CHRM3: variants seen among roughly 807,000 people sequenced by gnomAD.
CHRM3 encodes muscarinic acetylcholine receptor M3.
A neutral mutation model predicts 41.8 loss-of-function variants in CHRM3; 11 were observed. The ratio of observed to expected loss-of-function variants is 0.26; its 90% CI spans 0.17 to 0.44. CHRM3 has a LOEUF of 0.44. Ranked by LOEUF, CHRM3 falls within the 20% of genes least tolerant of loss-of-function variation. The pLI, the probability that CHRM3 is intolerant of heterozygous loss-of-function variation, is 1.00. For synonymous variants in CHRM3, 297 were observed against 301.4 expected (o/e 0.99, Z 0.15); for missense variants, 571 against 745.4 (o/e 0.77, Z 2.72).
At chr1:239,867,027 T>C (rs981602403) in intron 6 of CHRM3, among the ~76,000 whole-genome samples, 3 of 152,210 alleles carry the variant, frequency 2.0e-5, no homozygotes, top group African/African-American at 7.2e-5. Context: ...TCTGTCTGAC[T>C]CTTCAGGGGC....
intron 1 of CHRM3, among the ~76,000 whole-genome samples, chr1:239,439,483 C>A (rs1663534932): frequency 6.6e-6 from 1 of 151,938 alleles, no homozygotes; most frequent in African/African-American, 2.4e-5. Context: ...AATACCAGGA[C>A]AATGGACACG....
At chr1:239,580,319 A>G (rs1407821367) in intron 3 of CHRM3, among the ~76,000 whole-genome samples, 4 of 148,388 alleles carry the variant, frequency 2.7e-5, no homozygotes, top group African/African-American at 9.9e-5. Flanking sequence ...TCAAAAATTG[A>G]CCATATTCAA....
chr1:239,597,133 T>C (rs538201733), intron 3 of CHRM3, among the ~76,000 whole-genome samples: 1 of 152,312 alleles, frequency 6.6e-6, no homozygotes, highest in Non-Finnish European at 1.5e-5. Flanking sequence ...CTTCAACTTA[T>C]GTTTTTGGGA....
intron 4 of CHRM3, among the ~76,000 whole-genome samples, chr1:239,676,162 G>C (rs188261206): frequency 6.6e-6 from 1 of 152,288 alleles, no homozygotes; most frequent in African/African-American, 2.4e-5. Context: ...TGCCCCAGAC[G>C]CTGCACCAGC....
At chr1:239,893,347 TG>T in intron 6 of CHRM3, among the ~76,000 whole-genome samples, 1 of 152,246 alleles carries the variant, frequency 6.6e-6, no homozygotes, top group Non-Finnish European at 1.5e-5. Context: ...ACTGAGTTTC[TG>T]CTTTATAAGC....
intron 3 of CHRM3, among the ~76,000 whole-genome samples, chr1:239,571,702 C>G (rs181372992): frequency 3.4e-4 from 52 of 152,284 alleles, no homozygotes; most frequent in Middle Eastern, 6.8e-3. Flanking sequence ...CGTCATTACA[C>G]TCTCGTGTGC....
intron 5 of CHRM3, among the ~76,000 whole-genome samples, chr1:239,759,551 G>A (rs1666560382): frequency 6.6e-6 from 1 of 152,062 alleles, no homozygotes; most frequent in Non-Finnish European, 1.5e-5. Context: ...TAAAACAGCA[G>A]TATGTCTTTT....
At chr1:239,710,799 G>A (rs1276532056) in intron 5 of CHRM3, among the ~76,000 whole-genome samples, 1 of 151,648 alleles carries the variant, frequency 6.6e-6, no homozygotes, top group Admixed American at 6.6e-5. Flanking sequence ...TGGCTTTAGA[G>A]TGAAGGTTGA....
chr1:239,407,396 A>G (rs1239678561), intron 1 of CHRM3, among the ~76,000 whole-genome samples: 2 of 143,840 alleles, frequency 1.4e-5, no homozygotes, highest in Admixed American at 7.0e-5. Context: ...TATGAGACCA[A>G]TGACTATAAA....
chr1:239,661,443 A>C (rs1673182697), intron 4 of CHRM3, among the ~76,000 whole-genome samples: 1 of 152,224 alleles, frequency 6.6e-6, no homozygotes, highest in South Asian at 2.1e-4. Flanking sequence ...ATGAAATAAT[A>C]AACAGTGGCA....
In CHRM3 at chr1:239,807,824, A is replaced by G. The variant is rs201132035; in HGVS notation, c.-146-19428A>G. Among the ~76,000 whole-genome samples, 195 of 89,136 alleles carry G rather than the reference A, an allele frequency of 2.2e-3. 2 individuals are homozygous for G. The highest frequency in any genetic ancestry group is 0.01 in the African/African-American group (184 of 17,662). 58.5% of individuals were successfully genotyped at this position (89,136 alleles called of 152,430 possible). ...TTGAGTGTTTTTGCTTTGCGCACACACACACACACACACACACACACATAC... is the reference window on the plus strand; with the variant it reads ...TTGAGTGTTTTTGCTTTGCGCACACGCACACACACACACACACACACATAC... On this transcript the variant is annotated intron_variant, in intron 5 of 6. Transcript: ENST00000676153.
intron 2 of CHRM3, among the ~76,000 whole-genome samples, chr1:239,504,078 GAGCTTTTGCACAGCAAA>G (rs1668410352): frequency 6.6e-6 from 1 of 152,066 alleles, no homozygotes; most frequent in African/African-American, 2.4e-5. Flanking sequence ...TTAAACTAAA[GAGCTTTTGCACAGCAAA>G]AGCTTTGTCA....
intron 5 of CHRM3, chr1:239,707,297 C>T (rs1012456959): frequency 2.0e-5 from 3 of 152,076 alleles, no homozygotes; most frequent in Non-Finnish European, 4.4e-5. Flanking sequence ...TGCTTATGCA[C>T]AGACTGACTT....
intron 1 of CHRM3, among the ~76,000 whole-genome samples, chr1:239,464,909 G>T (rs922253595): frequency 6.6e-6 from 1 of 152,012 alleles, no homozygotes; most frequent in African/African-American, 2.4e-5. Context: ...TAAAAGAAGA[G>T]GTGTAATTAA....
At chr1:239,487,614 G>A (rs1412494075) in intron 1 of CHRM3, among the ~76,000 whole-genome samples, 2 of 151,846 alleles carry the variant, frequency 1.3e-5, no homozygotes, top group Non-Finnish European at 2.9e-5. Flanking sequence ...AGGGAGATTT[G>A]GTATTGTGAA....
intron 5 of CHRM3, among the ~76,000 whole-genome samples, chr1:239,744,175 G>A (rs147664029): frequency 1.3e-5 from 2 of 151,928 alleles, no homozygotes; most frequent in Admixed American, 6.6e-5. Context: ...TTGAACCACC[G>A]TGTGTCTTAG....
intron 1 of CHRM3, among the ~76,000 whole-genome samples, chr1:239,447,797 A>C (rs1664261533): frequency 6.6e-6 from 1 of 152,140 alleles, no homozygotes; most frequent in Non-Finnish European, 1.5e-5. Flanking sequence ...ACAAACAAAC[A>C]AACAAAAACA....
chr1:239,853,317 G>A (rs1241757959), intron 6 of CHRM3, among the ~76,000 whole-genome samples: 1 of 151,816 alleles, frequency 6.6e-6, no homozygotes, highest in Non-Finnish European at 1.5e-5. Context: ...AAATTCTGTT[G>A]TAAATGTATT....
chr1:239,850,781 T>C (rs1455739575), intron 6 of CHRM3, among the ~76,000 whole-genome samples: 2 of 152,172 alleles, frequency 1.3e-5, no homozygotes, highest in African/African-American at 4.8e-5. Flanking sequence ...TTCTCCTTGC[T>C]GCTGCCATGT....
Sources: allele counts gnomAD v4.1 joint callset (sites outside exome capture counted in the v4.1 genomes callset), GRCh38; gene constraint gnomAD v4.1.1; transcripts MANE v1.5; gene names NCBI Gene and HGNC (gene_info 2026-07-23, HGNC 2026-07-21).